RYR3: variants seen among roughly 807,000 people sequenced by gnomAD.
RYR3 encodes the protein brain ryanodine receptor-calcium release channel.
Under a neutral mutation model 584.3 loss-of-function variants are expected in RYR3, and 207 were observed. The ratio of observed to expected loss-of-function variants is 0.35; its 90% CI spans 0.32 to 0.40. The LOEUF (loss-of-function observed/expected upper bound fraction) is 0.40. RYR3 is among the 10% of genes least tolerant of loss of function. The pLI, the probability that RYR3 is intolerant of heterozygous loss-of-function variation, is 1.00. For synonymous variants in RYR3, 2,416 were observed against 2,248.5 expected (o/e 1.07, Z -2.11); for missense variants, 5,616 against 6,089.2 (o/e 0.92, Z 2.59).
At chr15:33,572,497 G>A (rs1223709959) in intron 12 of RYR3, among the ~76,000 whole-genome samples, 1 of 151,506 alleles carries the variant, frequency 6.6e-6, no homozygotes, top group Non-Finnish European at 1.5e-5. Context: ...AGTTTTTCCC[G>A]AGCATGTGTG....
chr15:33,346,935 T>G (rs1194898443), intron 1 of RYR3, among the ~76,000 whole-genome samples: 1 of 152,138 alleles, frequency 6.6e-6, no homozygotes, highest in African/African-American at 2.4e-5. Flanking sequence ...AGACCCTGTA[T>G]CCACAAAAAT....
intron 2 of RYR3, among the ~76,000 whole-genome samples, chr15:33,490,432 T>C (rs542666797): frequency 5.3e-5 from 8 of 152,308 alleles, no homozygotes; most frequent in African/African-American, 1.9e-4. Flanking sequence ...AAGATATTTC[T>C]ACTTCAAAAT....
intron 1 of RYR3, among the ~76,000 whole-genome samples, chr15:33,445,863 T>G (rs2046613217): frequency 6.6e-6 from 1 of 152,122 alleles, no homozygotes; most frequent in South Asian, 2.1e-4. Context: ...GACGTGATTT[T>G]TGTACTGTTA....
At chr15:33,714,866 CAG>C (rs1265917412) in intron 43 of RYR3, among the ~76,000 whole-genome samples, 4 of 152,132 alleles carry the variant, frequency 2.6e-5, no homozygotes, top group Non-Finnish European at 5.9e-5. Flanking sequence ...AAGCAGGAAA[CAG>C]AGAAAACCCA....
chr15:33,578,901 T>C (rs1055645739), intron 12 of RYR3, among the ~76,000 whole-genome samples: 1 of 152,154 alleles, frequency 6.6e-6, no homozygotes, highest in African/African-American at 2.4e-5. Context: ...TCATAGCCTT[T>C]GCCCTCTGAG....
At chr15:33,453,750 T>C (rs2047324172) in intron 1 of RYR3, among the ~76,000 whole-genome samples, 1 of 152,192 alleles carries the variant, frequency 6.6e-6, no homozygotes, top group Non-Finnish European at 1.5e-5. Context: ...ATGTTTTTTC[T>C]AAAAGAAGTA....
intron 1 of RYR3, among the ~76,000 whole-genome samples, chr15:33,469,979 T>C (rs2048802411): frequency 6.6e-6 from 1 of 152,058 alleles, no homozygotes; most frequent in African/African-American, 2.4e-5. Flanking sequence ...GCATGACTTA[T>C]TTGGGAGACA....
chr15:33,457,386 T>C (rs1350238417), intron 1 of RYR3, among the ~76,000 whole-genome samples: 1 of 152,190 alleles, frequency 6.6e-6, no homozygotes, highest in Non-Finnish European at 1.5e-5. Context: ...ATGTAATGTA[T>C]ATACGCAATG....
At chr15:33,559,373 G>A (rs1346688938) in intron 10 of RYR3, among the ~76,000 whole-genome samples, 1 of 152,146 alleles carries the variant, frequency 6.6e-6, no homozygotes, top group South Asian at 2.1e-4. Context: ...GAGAGGCTTA[G>A]GAAAACAAAG....
In RYR3 at chr15:33,363,822, A is replaced by G. The variant is rs543235435; in HGVS notation, c.51+52726A>G. ...GCTGCATGTGGGTCCTGAGCATTTGAAATGTGGCTGATGCAATGGAGGAAT... is the reference window on the plus strand; with the variant it reads ...GCTGCATGTGGGTCCTGAGCATTTGGAATGTGGCTGATGCAATGGAGGAAT... On this transcript the variant is annotated intron_variant, in intron 1 of 103. Coordinates refer to ENST00000634891, the MANE Select transcript of RYR3 (RefSeq NM_001036.6). 5.9e-5 allele frequency among the ~76,000 whole-genome samples: 9 copies of G among 152,322 alleles called. No individual in the cohort carries two copies. The South Asian group carries it at 1.9e-3, about 32-fold the overall frequency.
chr15:33,837,995 G>A lies in RYR3; in HGVS notation c.12015G>A (p.Met4005Ile), dbSNP rs755492806. The change falls in exon 89 of 104, where the codon ATG becomes ATA. Residue 4005 changes from methionine to isoleucine, a missense_variant. Met to Ile is a conservative substitution (Grantham distance 10). Around this residue, in one of 9 missense-constraint regions of RYR3, gnomAD observed 258 missense variants for 297.3 expected, o/e 0.87. Transcript: ENST00000634891. ...AVLLTNLSEHMPNDSRLKCLL... is the reference protein window; with the variant it reads ...AVLLTNLSEHIPNDSRLKCLL... Reference sequence around the variant, plus strand: ...TATTGACAAATCTTTCTGAACACATGCCAAACGATTCCCGCCTGAAGTGTC... The same window carrying A: ...TATTGACAAATCTTTCTGAACACATACCAAACGATTCCCGCCTGAAGTGTC... 6.2e-7 allele frequency: 1 copy of A among 1,613,996 alleles called. No homozygotes were observed. Among genetic ancestry groups the A allele is most frequent in the South Asian group, 1.1e-5 (1 of 91,076 alleles).
At chr15:33,334,264 C>G (rs1303083183) in intron 1 of RYR3, among the ~76,000 whole-genome samples, 1 of 152,158 alleles carries the variant, frequency 6.6e-6, no homozygotes, top group East Asian at 1.9e-4. Context: ...AGGCATCATG[C>G]TACTCAACTT....
At chr15:33,359,811 C>T (rs1338790584) in intron 1 of RYR3, among the ~76,000 whole-genome samples, 2 of 151,680 alleles carry the variant, frequency 1.3e-5, no homozygotes, top group East Asian at 1.9e-4. Context: ...TTAGTGGAGA[C>T]GGGGTTTCAC....
chr15:33,775,391 C>T (rs1290936638), intron 64 of RYR3, among the ~76,000 whole-genome samples: 2 of 152,084 alleles, frequency 1.3e-5, no homozygotes, highest in Non-Finnish European at 2.9e-5. Context: ...CAGGAAGAAA[C>T]AGCAGGCAGC....
chr15:33,722,552 T>C (rs11635223), intron 43 of RYR3, 163 bp from the exon 44 acceptor site: 431,024 of 659,048 alleles, frequency 0.65, 143,346 homozygotes, highest in East Asian at 0.86. Flanking sequence ...GTTACAGATG[T>C]CTTAGTTCCT....
At chr15:33,689,752 G>C (rs1322297619) in intron 38 of RYR3, among the ~76,000 whole-genome samples, 1 of 148,508 alleles carries the variant, frequency 6.7e-6, no homozygotes, top group Non-Finnish European at 1.5e-5. Flanking sequence ...TACTATAGGA[G>C]TTATACCTTC....
rs555943581 is a variant in RYR3, at chr15:33,835,570, T to C, written c.11568+498T>C. Among the ~76,000 whole-genome samples, 7 of 152,302 alleles carry C rather than the reference T, an allele frequency of 4.6e-5. No homozygotes were observed. The East Asian group carries it at 1.3e-3, about 29-fold the overall frequency. On this transcript the variant is annotated intron_variant, in intron 87 of 103. Coordinates refer to ENST00000634891, the MANE Select transcript of RYR3 (RefSeq NM_001036.6). Reference sequence around the variant, plus strand: ...GCTCAGAGCATTTATTATGAACAAATAAATGTAGCATATGTAGCAGTTTAT... The same window carrying C: ...GCTCAGAGCATTTATTATGAACAAACAAATGTAGCATATGTAGCAGTTTAT...
chr15:33,742,385 T>C lies in RYR3; in HGVS notation c.7840T>C (p.Leu2614=). 6.2e-7 allele frequency: 1 copy of C among 1,612,868 alleles called. No individual in the cohort carries two copies. Among genetic ancestry groups the C allele is most frequent in the South Asian group, 1.1e-5 (1 of 91,052 alleles). The part of the protein sequence containing the change: ...NTMNFSLPEK[L]EYIVTKYAEH... ...TCACAGTTTTTCCTTGCCTGAAAAA[T>C]TGGAATACATCGTCACCAAGTATGC... Residue 2614 remains leucine (L), a synonymous_variant, in exon 52 of 104, where the codon TTG becomes CTG. Transcript: ENST00000634891.
At chr15:33,692,607 A>G (rs913915790) in intron 38 of RYR3, among the ~76,000 whole-genome samples, 5 of 143,486 alleles carry the variant, frequency 3.5e-5, no homozygotes, top group African/African-American at 1.2e-4. Flanking sequence ...TTCTGGCAGG[A>G]CCTGGGGACT....
Sources: allele counts gnomAD v4.1 joint callset (sites outside exome capture counted in the v4.1 genomes callset), GRCh38; gene constraint gnomAD v4.1.1; regional missense constraint gnomAD v4.1.1; transcripts MANE v1.5; gene names NCBI Gene and HGNC (gene_info 2026-07-23, HGNC 2026-07-21).